Variants in GPC5 observed in about 807,000 individuals in gnomAD.
The protein encoded by GPC5 is glypican-5.
Under a neutral mutation model 53.9 loss-of-function variants are expected in GPC5, and 47 were observed. The ratio of observed to expected loss-of-function variants is 0.87; its 90% CI spans 0.69 to 1.11. The LOEUF (loss-of-function observed/expected upper bound fraction) is 1.11, where lower values mean the gene tolerates loss of function less well. Ranked by LOEUF, GPC5 falls within the 50% of genes most tolerant of loss-of-function variation. GPC5 has a pLI of 0.00. For synonymous variants in GPC5, 286 were observed against 263.3 expected (o/e 1.09, Z -0.84); for missense variants, 748 against 713.1 (o/e 1.05, Z -0.56).
At chr13:92,411,142 C>T (rs1251266850) in intron 7 of GPC5, among the ~76,000 whole-genome samples, 4 of 152,078 alleles carry the variant, frequency 2.6e-5, no homozygotes, top group South Asian at 2.1e-4. Flanking sequence ...TGATGGCGCA[C>T]GTCTGTAGTC....
At chr13:92,697,130 G>T (rs9523781) in intron 7 of GPC5, among the ~76,000 whole-genome samples, 2 of 149,912 alleles carry the variant, frequency 1.3e-5, no homozygotes, top group East Asian at 4.0e-4. Flanking sequence ...GTCAGGTAGC[G>T]TGATGCCTCC....
At chr13:92,055,754 G>C (rs766889383) in intron 6 of GPC5, among the ~76,000 whole-genome samples, 14 of 152,086 alleles carry the variant, frequency 9.2e-5, no homozygotes, top group Admixed American at 3.3e-4. Context: ...ATTTATCATT[G>C]GGTGTTTGTG....
Position 92,563,733 on chromosome 13 carries a change from T to C in GPC5, c.1562-302549T>C, listed in dbSNP as rs144905614. Among the ~76,000 whole-genome samples, 592 of 152,212 alleles carry C rather than the reference T, an allele frequency of 3.9e-3. 1 individual carries two copies. The highest frequency in any genetic ancestry group is 5.1e-3 in the Non-Finnish European group (350 of 67,974). ...AAGTTCTTTTATTATGATAATGTTA[T>C]ATTTATCACTGTGTTTAATTGATTC... is the stretch of plus-strand genomic sequence containing the variant. On this transcript the variant is annotated intron_variant, in intron 7 of 7. Transcript: ENST00000377067.
intron 1 of GPC5, among the ~76,000 whole-genome samples, chr13:91,422,646 A>G (rs987502013): frequency 2.3e-4 from 6 of 25,580 alleles, no homozygotes; most frequent in African/African-American, 6.5e-4. Context: ...AAGAAAAAAG[A>G]AAAAAAAAAC....
At chr13:92,399,887 T>TA (rs1875479356) in intron 7 of GPC5, among the ~76,000 whole-genome samples, 1 of 152,350 alleles carries the variant, frequency 6.6e-6, no homozygotes, top group South Asian at 2.1e-4. Context: ...CTTACTTGTT[T>TA]TCCCAGGAGT....
At chr13:92,028,559 A>G (rs1399976982) in intron 6 of GPC5, among the ~76,000 whole-genome samples, 2 of 152,112 alleles carry the variant, frequency 1.3e-5, no homozygotes, top group African/African-American at 4.8e-5. Flanking sequence ...GTGCTGGGTA[A>G]TTTCACTGAA....
At chr13:92,128,950 G>A (rs1466722839) in intron 6 of GPC5, among the ~76,000 whole-genome samples, 5 of 152,112 alleles carry the variant, frequency 3.3e-5, no homozygotes, top group African/African-American at 1.2e-4. Context: ...GTGACAGAGT[G>A]AGACTCCATT....
intron 2 of GPC5, among the ~76,000 whole-genome samples, chr13:91,644,973 T>G (rs544893499): frequency 1.7e-3 from 261 of 152,350 alleles, no homozygotes; most frequent in African/African-American, 6.0e-3. Context: ...TTTAAATGAT[T>G]GAAGTTCAGT....
chr13:92,444,013 T>G (rs1003776896), intron 7 of GPC5, among the ~76,000 whole-genome samples: 1 of 152,182 alleles, frequency 6.6e-6, no homozygotes. Flanking sequence ...GAATGTAGGA[T>G]TGCCAATTTT....
At chr13:92,206,167 A>ATTTTTTTTTTTTT (rs1333690683) in intron 7 of GPC5, among the ~76,000 whole-genome samples, 7 of 27,968 alleles carry the variant, frequency 2.5e-4, no homozygotes, top group East Asian at 1.7e-3. Flanking sequence ...TTTTTTTTTT[A>ATTTTTTTTTTTTT]TTTTTTTTTT....
At chr13:91,831,593 C>T (rs1030443971) in intron 5 of GPC5, among the ~76,000 whole-genome samples, 5 of 151,646 alleles carry the variant, frequency 3.3e-5, no homozygotes, top group African/African-American at 1.2e-4. Flanking sequence ...GGTAAAAATG[C>T]ACACCTAACT....
intron 2 of GPC5, among the ~76,000 whole-genome samples, chr13:91,679,489 T>C (rs780500605): frequency 1.1e-4 from 16 of 152,176 alleles, no homozygotes; most frequent in Non-Finnish European, 1.8e-4. Context: ...ATTCTCAAAG[T>C]GGTCTGGGGT....
chr13:92,491,498 T>A (rs1437285089), intron 7 of GPC5, among the ~76,000 whole-genome samples: 1 of 152,170 alleles, frequency 6.6e-6, no homozygotes, highest in Admixed American at 6.5e-5. Flanking sequence ...TATTTTCTCA[T>A]GGTAAAGCAA....
At chr13:92,598,626 G>A (rs985993958) in intron 7 of GPC5, among the ~76,000 whole-genome samples, 5 of 152,024 alleles carry the variant, frequency 3.3e-5, no homozygotes, top group Non-Finnish European at 7.4e-5. Context: ...CATGTGGAAC[G>A]AGTTTAAAGA....
intron 7 of GPC5, among the ~76,000 whole-genome samples, chr13:92,560,552 G>A (rs1447654533): frequency 6.6e-6 from 1 of 151,960 alleles, no homozygotes; most frequent in East Asian, 1.9e-4. Flanking sequence ...ATGGGTAAAT[G>A]GAACAAGTCT....
chr13:92,430,586 T>C (rs530997499), intron 7 of GPC5, among the ~76,000 whole-genome samples: 1 of 152,148 alleles, frequency 6.6e-6, no homozygotes, highest in Non-Finnish European at 1.5e-5. Flanking sequence ...GCCTCTTCGC[T>C]AGACTGTCCA....
rs117153965 is a variant in GPC5 at position 91,603,202 on chromosome 13, G to T, written c.326-89985G>T. Among the ~76,000 whole-genome samples the T allele has an allele frequency of 3.3e-5, 5 of 152,326 alleles. No homozygotes were observed. In the East Asian group the frequency reaches 7.7e-4, roughly 23 times the overall value. ...GAGTAAGATCCCTCTTGTTTGAACC[G>T]TTTCTCATCCAGACCACCTGGCAGG... On this transcript the variant is annotated intron_variant, in intron 2 of 7. Coordinates refer to ENST00000377067, the MANE Select transcript of GPC5 (RefSeq NM_004466.6).
chr13:92,587,551 T>C (rs1293869591), intron 7 of GPC5, among the ~76,000 whole-genome samples: 4 of 142,936 alleles, frequency 2.8e-5, no homozygotes, highest in African/African-American at 1.0e-4. Context: ...AAAAATCTTA[T>C]TGTACATTAT....
chr13:92,389,961 C>T (rs1874917626), intron 7 of GPC5, among the ~76,000 whole-genome samples: 2 of 152,166 alleles, frequency 1.3e-5, no homozygotes, highest in Admixed American at 6.6e-5. Context: ...ATTTCTACCA[C>T]TTTGCCAAAT....
Sources: gnomAD v4.1 joint callset for allele counts (sites outside exome capture counted in the v4.1 genomes callset) on GRCh38, gnomAD v4.1.1 for gene constraint, MANE v1.5 for transcripts, NCBI Gene and HGNC (gene_info 2026-07-23, HGNC 2026-07-21) for gene names.